DAB1: variants seen among roughly 807,000 people sequenced by gnomAD.
DAB1 encodes the protein disabled homolog 1.
DAB1 carries 15 observed loss-of-function variants against 64.6 expected under a neutral mutation model. That is an observed-to-expected ratio of 0.23 (90% CI 0.16 to 0.36). The LOEUF is 0.36. DAB1 is among the 10% of genes least tolerant of loss of function. The probability of loss-of-function intolerance (pLI) is 1.00; values close to 1 mark genes in which losing one functional copy is unlikely to be tolerated. For missense variants in DAB1, 596 were observed against 706.7 expected (o/e 0.84, Z 1.78); for synonymous variants, 235 against 251.9 (o/e 0.93, Z 0.64).
chr1:57,428,489 A>T (rs1359491961), upstream of DAB1, among the ~76,000 whole-genome samples: 1 of 152,090 alleles, frequency 6.6e-6, no homozygotes, highest in Non-Finnish European at 1.5e-5. Context: ...CAATGGTAGG[A>T]TTTCCTTCTA....
chr1:58,443,558 G>A (rs1645035089), intron 3 of DAB1, among the ~76,000 whole-genome samples: 1 of 152,166 alleles, frequency 6.6e-6, no homozygotes, highest in Non-Finnish European at 1.5e-5. Context: ...TAATAGTAAT[G>A]TACCAATGTT....
intron 6 of DAB1, among the ~76,000 whole-genome samples, chr1:57,779,641 T>C (rs1238093555): frequency 6.6e-6 from 1 of 152,206 alleles, no homozygotes; most frequent in East Asian, 1.9e-4. Context: ...TGATATGCCA[T>C]ATGTTGTGTG....
intron 3 of DAB1, among the ~76,000 whole-genome samples, chr1:58,459,718 C>T (rs1479558266): frequency 6.6e-6 from 1 of 152,208 alleles, no homozygotes; most frequent in African/African-American, 2.4e-5. Flanking sequence ...TGGCTCACAC[C>T]TATAATCCCA....
chr1:58,335,473 A>C (rs1663090318), intron 4 of DAB1, among the ~76,000 whole-genome samples: 2 of 152,142 alleles, frequency 1.3e-5, no homozygotes, highest in African/African-American at 4.8e-5. Flanking sequence ...AGACTGGAGC[A>C]AGGCAAGTGG....
At chr1:57,439,668 C>T (rs573042448) in intron 7 of DAB1, among the ~76,000 whole-genome samples, 1 of 143,260 alleles carries the variant, frequency 7.0e-6, no homozygotes, top group African/African-American at 2.7e-5. Context: ...ACCTCATGAT[C>T]TGCCTGCCTC....
intron 5 of DAB1, among the ~76,000 whole-genome samples, chr1:57,987,084 G>C (rs1646237304): frequency 6.6e-6 from 1 of 152,132 alleles, no homozygotes; most frequent in Admixed American, 6.6e-5. Context: ...TTGTTGGATG[G>C]CTCTGATAGT....
chr1:56,995,612 A>C lies in DAB1; in HGVS notation c.*2532T>G, dbSNP rs969754382. The C allele has an allele frequency of 6.6e-6, 1 of 152,238 alleles. No homozygotes were observed. Among genetic ancestry groups the C allele is most frequent in the Non-Finnish European group, 1.5e-5 (1 of 68,054 alleles). 9.4% of individuals were successfully genotyped at this position (152,238 alleles called of 1,614,324 possible). ...CAGATGGTATACCTGAAACAGCAACATCAGCCAGAGTTCACTTTGAATGTG... is the reference window on the plus strand; with the variant it reads ...CAGATGGTATACCTGAAACAGCAACCTCAGCCAGAGTTCACTTTGAATGTG... On this transcript the variant is annotated 3_prime_UTR_variant, in exon 15 of 15. Coordinates refer to ENST00000371236, the MANE Select transcript of DAB1 (RefSeq NM_001365792.1).
chr1:57,842,993 C>T (rs981630012), intron 1 of DAB1, among the ~76,000 whole-genome samples: 5 of 152,194 alleles, frequency 3.3e-5, no homozygotes, highest in Admixed American at 3.3e-4. Context: ...GGTTGTCTGT[C>T]CTAGTGACTG....
chr1:58,392,086 CT>C (rs1644480498), intron 3 of DAB1, among the ~76,000 whole-genome samples: 1 of 152,170 alleles, frequency 6.6e-6, no homozygotes, highest in Non-Finnish European at 1.5e-5. Context: ...CTTTGGAAGG[CT>C]GTTGCTGCTG....
chr1:57,384,819 T>A (rs1681676393), intron 1 of DAB1, among the ~76,000 whole-genome samples: 1 of 152,300 alleles, frequency 6.6e-6, no homozygotes, highest in African/African-American at 2.4e-5. Context: ...TGCACAACAA[T>A]GTGAATAGCC....
chr1:57,909,469 G>A (rs1279649109), intron 5 of DAB1, among the ~76,000 whole-genome samples: 2 of 152,082 alleles, frequency 1.3e-5, no homozygotes, highest in African/African-American at 4.8e-5. Context: ...TATTTTTAAT[G>A]AAATTGAACT....
intron 5 of DAB1, among the ~76,000 whole-genome samples, chr1:57,891,171 A>G (rs1275680808): frequency 4.6e-5 from 7 of 152,236 alleles, no homozygotes; most frequent in African/African-American, 1.7e-4. Context: ...CAAGAAAAAG[A>G]CAAACAACCC....
At chr1:57,663,932 T>C (rs755425566) in intron 6 of DAB1, among the ~76,000 whole-genome samples, 2 of 152,170 alleles carry the variant, frequency 1.3e-5, no homozygotes, top group East Asian at 3.9e-4. Flanking sequence ...TAGAATAGCA[T>C]GTGTAGGACC....
intron 6 of DAB1, among the ~76,000 whole-genome samples, chr1:57,701,035 A>G (rs1646901380): frequency 6.6e-6 from 1 of 152,116 alleles, no homozygotes. Flanking sequence ...AATGGCGATC[A>G]TTAAAAAGTC....
At chr1:57,291,340 G>A (rs775987983) in intron 1 of DAB1, among the ~76,000 whole-genome samples, 174 bp from the exon 2 acceptor site, 2 of 152,168 alleles carry the variant, frequency 1.3e-5, no homozygotes, top group Non-Finnish European at 2.9e-5. Context: ...GGGAATGAGA[G>A]GCTTAGCGGC....
intron 4 of DAB1, among the ~76,000 whole-genome samples, chr1:58,154,288 C>T (rs543730333): frequency 3.9e-5 from 6 of 152,094 alleles, no homozygotes; most frequent in African/African-American, 1.2e-4. Flanking sequence ...TAGAAAAACC[C>T]AACACAATGG....
chr1:57,903,905 C>A (rs1346617538), intron 5 of DAB1, among the ~76,000 whole-genome samples: 1 of 152,188 alleles, frequency 6.6e-6, no homozygotes, highest in Non-Finnish European at 1.5e-5. Context: ...AACCAAAAAC[C>A]AGCCATATTA....
intron 10 of DAB1, among the ~76,000 whole-genome samples, chr1:57,024,176 G>T (rs193108708): frequency 7.3e-6 from 1 of 137,758 alleles, no homozygotes; most frequent in African/African-American, 2.7e-5. Context: ...GTGCCCCCCC[G>T]CCACACCCCC....
At chr1:57,085,773 T>C (rs976409249) in intron 4 of DAB1, among the ~76,000 whole-genome samples, 7 of 152,152 alleles carry the variant, frequency 4.6e-5, no homozygotes, top group African/African-American at 1.7e-4. Context: ...TCGCACACTG[T>C]ATGACACTTG....
Sources: allele counts gnomAD v4.1 joint callset (sites outside exome capture counted in the v4.1 genomes callset), GRCh38; gene constraint gnomAD v4.1.1; transcripts MANE v1.5; gene names NCBI Gene and HGNC (gene_info 2026-07-23, HGNC 2026-07-21).